SH3PXD2A: variants seen among roughly 807,000 people sequenced by gnomAD.
SH3PXD2A encodes the protein SH3 and PX domain-containing protein 2A.
In SH3PXD2A, 32 loss-of-function variants were observed where a neutral mutation model predicts 115.2. That is an observed-to-expected ratio of 0.28 (90% confidence interval 0.21 to 0.37). The LOEUF (loss-of-function observed/expected upper bound fraction) is 0.37. Ranked by LOEUF, SH3PXD2A falls within the 10% of genes least tolerant of loss-of-function variation. The probability of loss-of-function intolerance (pLI) is 1.00; values close to 1 mark genes in which losing one functional copy is unlikely to be tolerated. For missense variants in SH3PXD2A, 1,328 were observed against 1,498.7 expected, an observed-to-expected ratio of 0.89 and a Z score of 1.88; for synonymous variants, 610 against 629.1, an observed-to-expected ratio of 0.97 and a Z score of 0.45.
At chr10:103,656,187 TA>T in intron 8 of SH3PXD2A, among the ~76,000 whole-genome samples, 1 of 152,362 alleles carries the variant, frequency 6.6e-6, no homozygotes, top group East Asian at 1.9e-4. Flanking sequence ...TGTTTTTGGG[TA>T]ACTTTTCTTT....
At chr10:103,793,989 C>T (rs1039900958) in intron 2 of SH3PXD2A, among the ~76,000 whole-genome samples, 1 of 152,118 alleles carries the variant, frequency 6.6e-6, no homozygotes, top group Non-Finnish European at 1.5e-5. Context: ...AAGTGAGGCA[C>T]TTGGAATAAG....
At chr10:103,795,561 A>C (rs544272097) in intron 2 of SH3PXD2A, among the ~76,000 whole-genome samples, 1 of 152,334 alleles carries the variant, frequency 6.6e-6, no homozygotes, top group African/African-American at 2.4e-5. Flanking sequence ...AAAGTAAAAT[A>C]AGATAAAATA....
chr10:103,720,324 C>T (rs942709387), intron 5 of SH3PXD2A, among the ~76,000 whole-genome samples: 2 of 152,242 alleles, frequency 1.3e-5, no homozygotes, highest in African/African-American at 4.8e-5. Flanking sequence ...TGAAGAACAT[C>T]CTTTCTGTGC....
intron 2 of SH3PXD2A, among the ~76,000 whole-genome samples, chr10:103,792,907 T>C (rs955769339): frequency 1.3e-5 from 2 of 152,210 alleles, no homozygotes; most frequent in African/African-American, 4.8e-5. Context: ...ACAGGAATGA[T>C]CTAGAATGAT....
At chr10:103,640,520 C>G (rs2036939118) in intron 8 of SH3PXD2A, among the ~76,000 whole-genome samples, 1 of 152,088 alleles carries the variant, frequency 6.6e-6, no homozygotes, top group African/African-American at 2.4e-5. Context: ...TCAATGCACT[C>G]TCACCAGCTG....
chr10:103,672,233 C>A (rs1490743550), intron 6 of SH3PXD2A, among the ~76,000 whole-genome samples: 3 of 152,172 alleles, frequency 2.0e-5, no homozygotes, highest in Non-Finnish European at 4.4e-5. Context: ...TGCAGTGAAC[C>A]AAGATCGTGC....
Position 103,651,318 on chromosome 10 carries a change from G to A in SH3PXD2A, c.604+9665C>T, listed in dbSNP as rs150161935. 2.4e-3 allele frequency among the ~76,000 whole-genome samples: 363 copies of A among 152,312 alleles called. 3 individuals are homozygous for A. The highest frequency in any genetic ancestry group is 7.8e-3 in the African/African-American group (325 of 41,558). On this transcript the variant is annotated intron_variant, in intron 8 of 14. Transcript: ENST00000369774. ...TGGTAAGCCAAAGGTGGGAATGCTC[G>A]TGCAACTCTCTTGTGGGAAAAGAGT...
chr10:103,597,495 G>C lies in SH3PXD2A; in HGVS notation c.*4321C>G, dbSNP rs2036152849. Reference sequence around the variant, plus strand: ...GAACAGCTCCCGAGGGCCTGCCTCTGCTCCAGGGACTGGGGCCTAGAGGTC... The same window carrying C: ...GAACAGCTCCCGAGGGCCTGCCTCTCCTCCAGGGACTGGGGCCTAGAGGTC... On this transcript the variant is annotated 3_prime_UTR_variant, in exon 15 of 15. Transcript: ENST00000369774. 6.6e-6 allele frequency: 1 copy of C among 152,262 alleles called. No homozygotes were observed. 9.4% of individuals were successfully genotyped at this position (152,262 alleles called of 1,614,324 possible).
Position 103,602,324 on chromosome 10 carries a change from G to T in SH3PXD2A, c.2894C>A (p.Ala965Glu), listed in dbSNP as rs767423459. Residue 965 changes from alanine to glutamate, a missense_variant, in exon 15 of 15, where the codon GCG becomes GAG. Coordinates refer to ENST00000369774, the MANE Select transcript of SH3PXD2A (RefSeq NM_001394015.1). Reference protein sequence around the residue: ...GGFGKTSGTPAVKMRNGVRQV... With the variant: ...GGFGKTSGTPEVKMRNGVRQV... ...CCGCACTCCGTTCCTCATCTTCACC[G>T]CTGGAGTGCCTGAGGTCTTGCCGAA... is the stretch of plus-strand genomic sequence containing the variant. The T allele has an allele frequency of 6.2e-7, 1 of 1,613,656 alleles. No individual in the cohort carries two copies. The highest frequency in any genetic ancestry group is 1.7e-5 in the Admixed American group (1 of 60,000).
chr10:103,855,157 G>A (rs1229536173), intron 1 of SH3PXD2A, 38 bp downstream of exon 1: 2 of 1,476,916 alleles, frequency 1.4e-6, no homozygotes, highest in Non-Finnish European at 1.8e-6. Flanking sequence ...CCGGGACCTC[G>A]GGCCACCCCC....
intron 8 of SH3PXD2A, among the ~76,000 whole-genome samples, chr10:103,659,406 G>A (rs1181424594): frequency 6.6e-6 from 1 of 152,206 alleles, no homozygotes; most frequent in Non-Finnish European, 1.5e-5. Context: ...CTTTCCTGAT[G>A]CAAGCTCTAC....
Position 103,719,307 on chromosome 10 carries a change from G to A in SH3PXD2A, c.398+4963C>T, listed in dbSNP as rs527277979. ...GGGTGTGAGCTGAGTGATGGGTTGG[G>A]TCAGGGCTGTGGTTAGAACCGTAGG... On this transcript the variant is annotated intron_variant, in intron 5 of 14. Coordinates refer to ENST00000369774, the MANE Select transcript of SH3PXD2A (RefSeq NM_001394015.1). Among the ~76,000 whole-genome samples, 4 of 152,348 alleles carry A rather than the reference G, an allele frequency of 2.6e-5. No homozygotes were observed. The East Asian group carries it at 7.7e-4, about 29-fold the overall frequency.
Position 103,659,074 on chromosome 10 carries a change from A to G in SH3PXD2A, c.604+1909T>C, listed in dbSNP as rs145284243. ...TAACAGCCATCAGCAGCTCCTCAGG[A>G]GAGCAGGCATCTCCCCCTTTGTCAA... On this transcript the variant is annotated intron_variant, in intron 8 of 14. Coordinates refer to ENST00000369774, the MANE Select transcript of SH3PXD2A (RefSeq NM_001394015.1). Among the ~76,000 whole-genome samples, 375 of 152,302 alleles carry G rather than the reference A, an allele frequency of 2.5e-3. 5 individuals are homozygous for G. The highest frequency in any genetic ancestry group is 8.7e-3 in the African/African-American group (360 of 41,568).
At chr10:103,702,596 C>CGTGCGTGTGTGT (rs1554913268) in intron 5 of SH3PXD2A, among the ~76,000 whole-genome samples, 2 of 147,448 alleles carry the variant, frequency 1.4e-5, no homozygotes, top group African/African-American at 2.5e-5. Flanking sequence ...TGTGTGTGTG[C>CGTGCGTGTGTGT]GTGTGTGTGT....
intron 8 of SH3PXD2A, among the ~76,000 whole-genome samples, chr10:103,656,177 T>C (rs930265066): frequency 1.3e-5 from 2 of 152,250 alleles, no homozygotes; most frequent in South Asian, 2.1e-4. Context: ...GTAGCCACCA[T>C]GTTTTTGGGT....
intron 1 of SH3PXD2A, among the ~76,000 whole-genome samples, chr10:103,841,337 T>C (rs1348678960): frequency 6.6e-6 from 1 of 152,166 alleles, no homozygotes; most frequent in Non-Finnish European, 1.5e-5. Context: ...ACACAGCACC[T>C]TGCACACAGT....
chr10:103,749,356 G>A (rs10883905), intron 3 of SH3PXD2A, among the ~76,000 whole-genome samples: 7,568 of 152,264 alleles, frequency 0.05, 294 homozygotes, highest in South Asian at 0.11. Context: ...AGAGGGTCAC[G>A]CTTTGCCCAC....
At chr10:103,622,698 C>T (rs2036625653) in intron 9 of SH3PXD2A, 145 bp from the exon 10 acceptor site, 2 of 638,612 alleles carry the variant, frequency 3.1e-6, no homozygotes, top group Non-Finnish European at 5.6e-6. Context: ...TGGACTGAAC[C>T]AAAGGGCACG....
At chr10:103,614,990 A>G (rs1165214290) in intron 11 of SH3PXD2A, among the ~76,000 whole-genome samples, 1 of 152,190 alleles carries the variant, frequency 6.6e-6, no homozygotes, top group Non-Finnish European at 1.5e-5. Flanking sequence ...GGTGGGAGTC[A>G]GGGGCCTGTC....
Sources: allele counts gnomAD v4.1 joint callset (sites outside exome capture counted in the v4.1 genomes callset), GRCh38; gene constraint gnomAD v4.1.1; transcripts MANE v1.5; gene names NCBI Gene and HGNC (gene_info 2026-07-23, HGNC 2026-07-21).